The following VWCE variants were observed in gnomAD, a reference collection of about 807,000 sequenced individuals.
The protein encoded by VWCE is von Willebrand factor C and EGF domains, also known as von Willebrand factor C and EGF domain-containing protein.
A neutral mutation model predicts 102.9 loss-of-function variants in VWCE; 68 were observed. The observed-to-expected ratio is 0.66, with a 90% CI of 0.54 to 0.81. The LOEUF is 0.81. VWCE is among the 30% of genes least tolerant of loss of function. The pLI, the probability that VWCE is intolerant of heterozygous loss-of-function variation, is 0.00. For synonymous variants in VWCE, 497 were observed against 515.4 expected, an observed-to-expected ratio of 0.96 and a Z score of 0.48; for missense variants, 1,137 against 1,263.6, an observed-to-expected ratio of 0.90 and a Z score of 1.52.
At chr11:61,273,517 A>T (rs559932653) in intron 12 of VWCE, among the ~76,000 whole-genome samples, 4 of 151,830 alleles carry the variant, frequency 2.6e-5, no homozygotes, top group Non-Finnish European at 4.4e-5. Flanking sequence ...GAGTCCTTCA[A>T]TGGGGGCTGG....
At position 61,258,804 on chromosome 11, in the gene VWCE, G is replaced by A. The variant is rs1419992048; in HGVS notation, c.2739C>T (p.Ile913=). The A allele has an allele frequency of 1.3e-6, 2 of 1,507,162 alleles. No homozygotes were observed. Among genetic ancestry groups the A allele is most frequent in the Non-Finnish European group, 1.8e-6 (2 of 1,129,750 alleles). 93.4% of individuals were successfully genotyped at this position (1,507,162 alleles called of 1,614,324 possible). ...AAAGCACGCGAGGCCCGAGGAGGGTGATGGGGGTCTTCGAGGGGCTGGGGT... is the reference window on the plus strand; with the variant it reads ...AAAGCACGCGAGGCCCGAGGAGGGTAATGGGGGTCTTCGAGGGGCTGGGGT... The part of the protein sequence containing the change: ...MMDPSPSKTP[I]TLLGPRVLSP... Residue 913 remains isoleucine, a synonymous_variant, in exon 20 of 20, where the codon ATC becomes ATT. Transcript: ENST00000335613.
intron 10 of VWCE, 78 bp from the exon 11 acceptor site, chr11:61,276,758 C>T (rs1220569484): frequency 1.7e-6 from 2 of 1,194,304 alleles, no homozygotes; most frequent in South Asian, 2.1e-5. Context: ...GCAGGCCCTT[C>T]GAACAGGAAA....
At chr11:61,276,014 A>G (rs1590633263) in intron 11 of VWCE, among the ~76,000 whole-genome samples, 2 of 152,170 alleles carry the variant, frequency 1.3e-5, no homozygotes, top group Non-Finnish European at 1.5e-5. Flanking sequence ...GCTTCACTTG[A>G]TCTGAGTTTG....
intron 16 of VWCE, among the ~76,000 whole-genome samples, 165 bp from the exon 17 acceptor site, chr11:61,265,377 G>T (rs905943750): frequency 2.0e-5 from 3 of 152,112 alleles, no homozygotes; most frequent in Non-Finnish European, 4.4e-5. Context: ...CTCTGTTGGG[G>T]TCCAACTTCC....
intron 9 of VWCE, 56 bp downstream of exon 9, chr11:61,280,568 A>G: frequency 6.4e-7 from 1 of 1,562,340 alleles, no homozygotes; most frequent in Non-Finnish European, 8.8e-7. Context: ...TGGCTGCAGG[A>G]GGGTGCAGAG....
At chr11:61,281,697 G>A (rs1439071775) in intron 7 of VWCE, 89 bp downstream of exon 7, 8 of 1,459,840 alleles carry the variant, frequency 5.5e-6, no homozygotes, top group East Asian at 2.5e-5. Flanking sequence ...AGGGCGTGAC[G>A]GGGAGGGGCC....
At position 61,286,326 on chromosome 11, in the gene VWCE, G is replaced by A. The variant is rs1258085711; in HGVS notation, c.529C>T (p.His177Tyr). The A allele has an allele frequency of 6.2e-7, 1 of 1,608,520 alleles. No homozygotes were observed. The highest frequency in any genetic ancestry group is 2.2e-5 in the East Asian group (1 of 44,894). Reference sequence around the variant, plus strand: ...CTCTGCAGCTCACCTTGGCAGCTGTGGCGGTCGGCAGACAGCTGCATGCCC... The same window carrying A: ...CTCTGCAGCTCACCTTGGCAGCTGTAGCGGTCGGCAGACAGCTGCATGCCC... ...GPGMQLSADR[H>Y]SCQDTDECLG... Residue 177 changes from histidine (H) to tyrosine (Y), a missense_variant, in exon 5 of 20, where the codon CAC becomes TAC. By Grantham distance (83) the His-to-Tyr change is moderately conservative (BLOSUM62 2). This residue lies in a region of VWCE where 575 missense variants were observed against 625.9 expected (regional missense o/e 0.92). Transcript: ENST00000335613.
Position 61,286,333 on chromosome 11 carries a change from G to A in VWCE, c.522C>T (p.Ala174=), listed in dbSNP as rs574658486. ...GCTCACCTTGGCAGCTGTGGCGGTC[G>A]GCAGACAGCTGCATGCCCGGCCCAC... ...CECGPGMQLS[A]DRHSCQDTDE... Residue 174 remains alanine (A), a synonymous_variant, in exon 5 of 20, where the codon GCC becomes GCT. Coordinates refer to ENST00000335613, the MANE Select transcript of VWCE (RefSeq NM_152718.2). 18 of 1,609,468 alleles carry A rather than the reference G, an allele frequency of 1.1e-5. No individual in the cohort carries two copies. Among genetic ancestry groups the A allele is most frequent in the South Asian group, 6.6e-5 (6 of 91,078 alleles).
intron 1 of VWCE, among the ~76,000 whole-genome samples, chr11:61,292,708 C>T (rs1048325640): frequency 2.0e-5 from 3 of 152,202 alleles, no homozygotes; most frequent in African/African-American, 7.2e-5. Flanking sequence ...AAACAAACTA[C>T]TGCCCCCACC....
chr11:61,274,638 A>T, intron 11 of VWCE, 54 bp from the exon 12 acceptor site: 1 of 1,567,002 alleles, frequency 6.4e-7, no homozygotes, highest in Non-Finnish European at 8.8e-7. Context: ...AGGCAGCTAA[A>T]GAAAGGGGGG....
intron 4 of VWCE, among the ~76,000 whole-genome samples, chr11:61,287,422 G>A (rs1268803329): frequency 3.3e-5 from 5 of 152,240 alleles, no homozygotes; most frequent in Admixed American, 1.3e-4. Context: ...CCCTCAAACG[G>A]GCAGAGGGCA....
At chr11:61,289,749 C>T (rs1359107083) in intron 4 of VWCE, among the ~76,000 whole-genome samples, 2 of 152,098 alleles carry the variant, frequency 1.3e-5, no homozygotes. Flanking sequence ...GGAAAAAAAA[C>T]TTCATTTTAG....
chr11:61,293,286 A>G (rs1360315095), intron 1 of VWCE, among the ~76,000 whole-genome samples: 1 of 146,426 alleles, frequency 6.8e-6, no homozygotes, highest in Non-Finnish European at 1.5e-5. Context: ...GTGTGGTGGC[A>G]TGTGCCTGTT....
chr11:61,264,418 T>C (rs1854448082), intron 19 of VWCE, 69 bp downstream of exon 19: 2 of 1,459,740 alleles, frequency 1.4e-6, no homozygotes, highest in Non-Finnish European at 1.9e-6. Flanking sequence ...ACAAGTTCTA[T>C]GTACCGGGGA....
chr11:61,279,193 G>A (rs1855034452), intron 9 of VWCE, among the ~76,000 whole-genome samples: 1 of 152,150 alleles, frequency 6.6e-6, no homozygotes, highest in Admixed American at 6.5e-5. Context: ...GATCTTGGAA[G>A]GATCCAAAAC....
rs1298667255 is a variant in VWCE, at chr11:61,281,309, C to T, written c.788-74G>A. ...GGCAGGGTTTAGGGAGACCTGGGCT[C>T]GGCTCCACCACCACAAGTCCCTGTT... is the stretch of plus-strand genomic sequence containing the variant. On this transcript the variant is annotated intron_variant, in intron 7 of 19. Coordinates refer to ENST00000335613, the MANE Select transcript of VWCE (RefSeq NM_152718.2). The T allele has an allele frequency of 3.9e-6, 6 of 1,545,384 alleles. No individual in the cohort carries two copies. In the African/African-American group the frequency reaches 4.1e-5, roughly 11 times the overall value.
chr11:61,258,919 G>A lies in VWCE; in HGVS notation c.2624C>T (p.Ser875Leu), dbSNP rs138718377. The A allele has an allele frequency of 1.4e-5, 22 of 1,535,952 alleles. No homozygotes were observed. Among genetic ancestry groups the A allele is most frequent in the African/African-American group, 4.1e-5 (3 of 72,318 alleles). Residue 875 changes from serine to leucine, a missense_variant, in exon 20 of 20, where the codon TCG becomes TTG. Physicochemically the swap from Ser to Leu is moderately radical, Grantham distance 145. Transcript: ENST00000335613. ...TATCTGGGCCCCAGAGGCTGAGAAC[G>A]AGCGCTCTGGAGTCACAGGAGGTGG... Reference protein sequence around the residue: ...PQPPPVTPERSFSASGAQIVS... With the variant: ...PQPPPVTPERLFSASGAQIVS...
At chr11:61,288,591 A>C (rs1855404732) in intron 4 of VWCE, among the ~76,000 whole-genome samples, 1 of 152,178 alleles carries the variant, frequency 6.6e-6, no homozygotes, top group Non-Finnish European at 1.5e-5. Flanking sequence ...CTGTCCTGCA[A>C]GTGCTTTGAC....
At chr11:61,261,598 T>G (rs1000348749) in intron 19 of VWCE, among the ~76,000 whole-genome samples, 29 of 148,368 alleles carry the variant, frequency 2.0e-4, no homozygotes, top group African/African-American at 7.2e-4. Context: ...AGTAAAAAAA[T>G]TAACCAAGTG....
Sources: allele counts gnomAD v4.1 joint callset (sites outside exome capture counted in the v4.1 genomes callset), GRCh38; gene constraint gnomAD v4.1.1; regional missense constraint gnomAD v4.1.1; transcripts MANE v1.5; gene names NCBI Gene and HGNC (gene_info 2026-07-23, HGNC 2026-07-21).